TFR2: variants seen among roughly 807,000 people sequenced by gnomAD.
TFR2 encodes transferrin receptor 2, also known as transferrin receptor protein 2.
A neutral mutation model predicts 91.9 loss-of-function variants in TFR2; 64 were observed. The ratio of observed to expected loss-of-function variants is 0.70; its 90% CI spans 0.57 to 0.86. TFR2 has a LOEUF of 0.86. TFR2 is among the 40% of genes least tolerant of loss of function. The probability of loss-of-function intolerance (pLI) is 0.00; values close to 1 mark genes in which losing one functional copy is unlikely to be tolerated. For missense variants in TFR2, 950 were observed against 1,080.5 expected, an observed-to-expected ratio of 0.88 and a Z score of 1.69; for synonymous variants, 454 against 459.6, an observed-to-expected ratio of 0.99 and a Z score of 0.15.
chr7:100,633,039 G>C lies in TFR2; in HGVS notation c.811C>G (p.Leu271Val). The C allele has an allele frequency of 1.2e-6, 2 of 1,613,762 alleles. No individual in the cohort carries two copies. The highest frequency in any genetic ancestry group is 2.2e-5 in the South Asian group (2 of 91,086). The change falls in exon 6 of 18, where the codon CTG becomes GTG. Residue 271 changes from leucine (L) to valine (V), a missense_variant. Physicochemically the swap from Leu to Val is conservative, Grantham distance 32. Transcript: ENST00000223051. ...CTGATCACCCCCACGCGCACCAGCAGCAGGCGGCCCACTGGATCCACGCCC... is the reference window on the plus strand; with the variant it reads ...CTGATCACCCCCACGCGCACCAGCACCAGGCGGCCCACTGGATCCACGCCC... ...ARGVDPVGRL[L>V]LVRVGVISFA...
intron 9 of TFR2, among the ~76,000 whole-genome samples, chr7:100,629,595 A>G (rs1381526064): frequency 6.6e-6 from 1 of 152,020 alleles, no homozygotes; most frequent in Non-Finnish European, 1.5e-5. Flanking sequence ...GGTTTCTGTC[A>G]CCCAGGCTGG....
chr7:100,629,453 A>T, intron 9 of TFR2, 81 bp from the exon 10 acceptor site: 1 of 1,600,662 alleles, frequency 6.2e-7, no homozygotes. Context: ...TGTGTCTCTC[A>T]GCCCATCACA....
intron 9 of TFR2, among the ~76,000 whole-genome samples, chr7:100,629,966 G>A (rs547444362): frequency 5.3e-5 from 8 of 152,082 alleles, no homozygotes; most frequent in East Asian, 3.9e-4. Flanking sequence ...GGATGGTCTC[G>A]ATCTCCTGAC....
At chr7:100,629,225 C>G in intron 10 of TFR2, 28 bp downstream of exon 10, 1 of 1,612,932 alleles carries the variant, frequency 6.2e-7, no homozygotes, top group Non-Finnish European at 8.5e-7. Context: ...CTGCCTAGCC[C>G]AGGCCCAGGC....
chr7:100,634,116 C>T (rs1584461359), intron 3 of TFR2, among the ~76,000 whole-genome samples: 1 of 151,202 alleles, frequency 6.6e-6, no homozygotes, highest in East Asian at 2.0e-4. Context: ...TGCCCATCAT[C>T]CTGTAGGTTC....
intron 3 of TFR2, among the ~76,000 whole-genome samples, chr7:100,633,965 C>T (rs2075673): frequency 0.076 from 11,570 of 151,978 alleles, 610 homozygotes; most frequent in African/African-American, 0.15. Flanking sequence ...GCCTCGGCCT[C>T]CCAAAGTGCT....
chr7:100,630,904 C>T lies in TFR2; in HGVS notation c.1255G>A (p.Gly419Ser). The change falls in exon 9 of 18, where the codon GGC becomes AGC. Residue 419 changes from glycine to serine, a missense_variant. Transcript: ENST00000223051. Reference sequence around the variant, plus strand: ...CACAGCATACCTGGCTCTGAGCGGCCTTCGATGCAGCCGAAGATGTTGTTG... The same window carrying T: ...CACAGCATACCTGGCTCTGAGCGGCTTTCGATGCAGCCGAAGATGTTGTTG... ...PINNIFGCIE[G>S]RSEPDHYVVI... 1 of 1,612,952 alleles carries T rather than the reference C, an allele frequency of 6.2e-7. No homozygotes were observed. Among genetic ancestry groups the T allele is most frequent in the Non-Finnish European group, 8.5e-7 (1 of 1,179,858 alleles).
intron 17 of TFR2, among the ~76,000 whole-genome samples, chr7:100,623,887 CAAAAAA>C (rs36052130): frequency 8.3e-5 from 8 of 96,458 alleles, no homozygotes; most frequent in Admixed American, 1.3e-4. Context: ...CCTTCTCTAC[CAAAAAA>C]AAAAAAAAAA....
At chr7:100,638,994 T>C (rs1282381428) in intron 3 of TFR2, among the ~76,000 whole-genome samples, 1 of 152,056 alleles carries the variant, frequency 6.6e-6, no homozygotes, top group African/African-American at 2.4e-5. Context: ...AAAAGAGTAA[T>C]CATACACCTT....
At chr7:100,628,333 G>A (rs1280544444) in intron 10 of TFR2, 27 bp from the exon 11 acceptor site, 3 of 1,611,384 alleles carry the variant, frequency 1.9e-6, no homozygotes, top group Non-Finnish European at 2.5e-6. Context: ...AGGAGGACAG[G>A]CTTAGCAGGG....
chr7:100,634,374 G>C (rs1803535246), intron 3 of TFR2, among the ~76,000 whole-genome samples: 1 of 152,140 alleles, frequency 6.6e-6, no homozygotes, highest in Non-Finnish European at 1.5e-5. Context: ...TCCCGCCTCA[G>C]CCTCCTGAGC....
chr7:100,634,575 G>T (rs1803538746), intron 3 of TFR2, among the ~76,000 whole-genome samples: 1 of 152,304 alleles, frequency 6.6e-6, no homozygotes, highest in Non-Finnish European at 1.5e-5. Context: ...CATCAAAAGC[G>T]TGAGATAAGG....
intron 2 of TFR2, 46 bp downstream of exon 2, chr7:100,640,930 C>A (rs1408931451): frequency 1.2e-6 from 2 of 1,613,660 alleles, no homozygotes; most frequent in Admixed American, 1.7e-5. Flanking sequence ...CCAGAAATCT[C>A]CCCCAGCCCA....
chr7:100,634,177 AACACACACACACAC>A (rs3076877), intron 3 of TFR2, among the ~76,000 whole-genome samples: 75 of 132,802 alleles, frequency 5.6e-4, no homozygotes, highest in South Asian at 2.9e-3. Context: ...TCCCGACGTC[AACACACACACACAC>A]ACACACACAC....
At chr7:100,638,700 G>A (rs1404205111) in intron 3 of TFR2, among the ~76,000 whole-genome samples, 1 of 151,020 alleles carries the variant, frequency 6.6e-6, no homozygotes. Flanking sequence ...GCCATGAGCC[G>A]AGATCGCACC....
chr7:100,627,481 G>A lies in TFR2; in HGVS notation c.1778C>T (p.Ala593Val). Reference sequence around the variant, plus strand: ...CTCCTTTGTGTGCAGGAATGGGTAGGCCTGGTCGTCCTGCCAGGACAGGGT... The same window carrying A: ...CTCCTTTGTGTGCAGGAATGGGTAGACCTGGTCGTCCTGCCAGGACAGGGT... Reference protein sequence around the residue: ...VEFSFMEDDQAYPFLHTKEDT... With the variant: ...VEFSFMEDDQVYPFLHTKEDT... The change falls in exon 16 of 18, where the codon GCC becomes GTC. Residue 593 changes from alanine to valine, a missense_variant. Ala to Val is a moderately conservative substitution (Grantham distance 64). Transcript: ENST00000223051. The A allele has an allele frequency of 6.2e-7, 1 of 1,610,094 alleles. No individual in the cohort carries two copies. The highest frequency in any genetic ancestry group is 8.5e-7 in the Non-Finnish European group (1 of 1,178,210).
At chr7:100,637,415 A>C (rs1803595577) in intron 3 of TFR2, among the ~76,000 whole-genome samples, 1 of 151,826 alleles carries the variant, frequency 6.6e-6, no homozygotes, top group Admixed American at 6.6e-5. Flanking sequence ...AAAAAAGAAA[A>C]AAACAAAAAA....
intron 17 of TFR2, among the ~76,000 whole-genome samples, chr7:100,625,583 T>TA (rs1330043812): frequency 6.6e-6 from 1 of 151,790 alleles, no homozygotes; most frequent in Non-Finnish European, 1.5e-5. Flanking sequence ...GAGAAAGAGA[T>TA]ATAAGAAGGA....
At chr7:100,635,564 G>T (rs1803558864) in intron 3 of TFR2, among the ~76,000 whole-genome samples, 1 of 151,804 alleles carries the variant, frequency 6.6e-6, no homozygotes, top group African/African-American at 2.4e-5. Flanking sequence ...TCCTGCCTCA[G>T]CCTCCCAAGT....
Sources: gnomAD v4.1 joint callset for allele counts (sites outside exome capture counted in the v4.1 genomes callset) on GRCh38, gnomAD v4.1.1 for gene constraint, MANE v1.5 for transcripts, NCBI Gene and HGNC (gene_info 2026-07-23, HGNC 2026-07-21) for gene names.